The following TDRKH variants were observed in gnomAD, a reference collection of about 807,000 sequenced individuals.
TDRKH encodes the protein tudor and KH domain containing.
A neutral mutation model predicts 61.3 loss-of-function variants in TDRKH; 28 were observed. The ratio of observed to expected loss-of-function variants is 0.46; its 90% CI spans 0.34 to 0.63. The LOEUF is 0.63. TDRKH is among the 20% of genes least tolerant of loss of function. The pLI is 0.01. For synonymous variants in TDRKH, 219 were observed against 244.4 expected, an observed-to-expected ratio of 0.90 and a Z score of 0.97; for missense variants, 540 against 683.4, an observed-to-expected ratio of 0.79 and a Z score of 2.34.
downstream of TDRKH, chr1:151,767,271 A>G (rs781231511): frequency 4.3e-6 from 7 of 1,613,978 alleles, no homozygotes; most frequent in Non-Finnish European, 5.9e-6. Context: ...GAGCAGGGTA[A>G]CCACGACCAG....
At chr1:151,775,292 G>A in intron 10 of TDRKH, 100 bp downstream of exon 10, 3 of 1,542,952 alleles carry the variant, frequency 1.9e-6, no homozygotes, top group African/African-American at 2.7e-5. Flanking sequence ...GGATCTTACA[G>A]TAAGAGTAAT....
chr1:151,772,067 A>G (rs1200562033), downstream of TDRKH: 1 of 397,870 alleles, frequency 2.5e-6, no homozygotes, highest in Non-Finnish European at 4.4e-6. Context: ...TTCCTTCACT[A>G]GAGCCTTTCT....
At chr1:151,785,369 T>C (rs1227468272) in intron 1 of TDRKH, among the ~76,000 whole-genome samples, 1 of 152,208 alleles carries the variant, frequency 6.6e-6, no homozygotes, top group African/African-American at 2.4e-5. Flanking sequence ...ATGACCCTGC[T>C]CTAAAACACC....
At chr1:151,789,057 T>A (rs1163873831) in intron 1 of TDRKH, among the ~76,000 whole-genome samples, 1 of 152,138 alleles carries the variant, frequency 6.6e-6, no homozygotes, top group Admixed American at 6.6e-5. Context: ...GAGTTTGTTG[T>A]TGTTTATTTA....
At position 151,773,687 on chromosome 1, in the gene TDRKH, G is replaced by A. The variant is rs1648885089; in HGVS notation, c.*765C>T. 6.6e-6 allele frequency: 1 copy of A among 152,190 alleles called. No homozygotes were observed. Among genetic ancestry groups the A allele is most frequent in the African/African-American group, 2.4e-5 (1 of 41,438 alleles). 9.4% of individuals were successfully genotyped at this position (152,190 alleles called of 1,614,324 possible). A position where few individuals can be genotyped will look rare whatever the true frequency, so the allele number is the denominator to read the frequency against. On this transcript the variant is annotated 3_prime_UTR_variant, in exon 13 of 13. Transcript: ENST00000368824. Reference sequence around the variant, plus strand: ...TAAAGGTTACAGAGAAATAGCTGGAGCAGTTTCAAAAGCCTGTCTCCAATA... The same window carrying A: ...TAAAGGTTACAGAGAAATAGCTGGAACAGTTTCAAAAGCCTGTCTCCAATA...
chr1:151,775,716 T>TC (rs1225950643), intron 9 of TDRKH, 104 bp downstream of exon 9: 6 of 1,506,104 alleles, frequency 4.0e-6, no homozygotes, highest in Non-Finnish European at 5.4e-6. Context: ...GGCACCTGAG[T>TC]CCCCAGAATT....
intron 1 of TDRKH, among the ~76,000 whole-genome samples, chr1:151,788,814 C>T (rs1383411398): frequency 1.3e-5 from 2 of 152,194 alleles, no homozygotes; most frequent in Admixed American, 1.3e-4. Context: ...AGAGGGGTCT[C>T]TGCAGCCAAG....
downstream of TDRKH, chr1:151,767,569 C>A: frequency 2.0e-6 from 1 of 489,930 alleles, no homozygotes; most frequent in Non-Finnish European, 3.2e-6. Context: ...GGACATAAAG[C>A]TGTTTATGCC....
downstream of TDRKH, chr1:151,770,411 G>T (rs1398857761): frequency 1.7e-6 from 2 of 1,170,664 alleles, no homozygotes; most frequent in South Asian, 1.5e-5. Context: ...GTGGGAAGTT[G>T]TAACTTGTTC....
At chr1:151,780,240 G>T in intron 3 of TDRKH, 100 bp from the exon 4 acceptor site, 1 of 1,260,240 alleles carries the variant, frequency 7.9e-7, no homozygotes, top group Non-Finnish European at 1.1e-6. Context: ...GATAGAATTA[G>T]CCAAAGGAAT....
In TDRKH at chr1:151,776,082, A is replaced by G. The variant is rs1421236264; in HGVS notation, c.1217+14T>C. 6.2e-7 allele frequency: 1 copy of G among 1,606,140 alleles called. No individual in the cohort carries two copies. The highest frequency in any genetic ancestry group is 8.5e-7 in the Non-Finnish European group (1 of 1,175,572). On this transcript the variant is annotated intron_variant, in intron 8 of 12. Transcript: ENST00000368824. ...TGAGTCAGCAGTTGGGATTGAGCTG[A>G]CCTCAGCACTGACCTGAGAGCCCTG...
intron 1 of TDRKH, among the ~76,000 whole-genome samples, chr1:151,789,689 A>T (rs1650710332): frequency 2.0e-5 from 3 of 152,264 alleles, no homozygotes; most frequent in Admixed American, 2.0e-4. Flanking sequence ...AAGTCAAATC[A>T]CATTGTTAGC....
intron 1 of TDRKH, among the ~76,000 whole-genome samples, chr1:151,788,528 G>T (rs550295680): frequency 6.6e-6 from 1 of 152,214 alleles, no homozygotes; most frequent in Non-Finnish European, 1.5e-5. Context: ...CATAATTGAT[G>T]CTTATGGGGC....
chr1:151,790,022 A>G (rs1036940387), intron 1 of TDRKH, among the ~76,000 whole-genome samples: 8 of 152,234 alleles, frequency 5.3e-5, no homozygotes, highest in African/African-American at 1.9e-4. Context: ...AGCGATAACT[A>G]AAGAAAAAGC....
At chr1:151,770,403 G>C, downstream of TDRKH, 9 of 1,247,556 alleles carry the variant, frequency 7.2e-6, no homozygotes, top group Non-Finnish European at 6.5e-6. Flanking sequence ...CCACGAAGGT[G>C]GGAAGTTGTA....
At chr1:151,769,699 G>A (rs567417168), downstream of TDRKH, among the ~76,000 whole-genome samples, 6 of 152,230 alleles carry the variant, frequency 3.9e-5, 1 homozygote, top group South Asian at 1.0e-3. Flanking sequence ...CTGCAATCTC[G>A]GCACTTTGGG....
At chr1:151,780,190 G>C (rs769929193) in intron 3 of TDRKH, 50 bp from the exon 4 acceptor site, 5 of 1,583,652 alleles carry the variant, frequency 3.2e-6, no homozygotes, top group Non-Finnish European at 4.3e-6. Context: ...GCTCCCATTT[G>C]AGCCCAGCTA....
At position 151,779,795 on chromosome 1, in the gene TDRKH, A is replaced by G. The variant is rs974242997; in HGVS notation, c.421+156T>C. On this transcript the variant is annotated intron_variant, in intron 4 of 12. Transcript: ENST00000368824. ...TTGAGGAAACAGGTTTGGTTTTACC[A>G]CCAGTTCTACAAACAGTAAACCTCT... The G allele has an allele frequency of 1.1e-4, 78 of 694,722 alleles. 1 individual carries two copies. The Middle Eastern group carries it at 2.4e-3, about 22-fold the overall frequency. 43.0% of individuals were successfully genotyped at this position (694,722 alleles called of 1,614,324 possible).
intron 9 of TDRKH, 81 bp downstream of exon 9, chr1:151,775,739 G>C (rs1649102166): frequency 6.5e-7 from 1 of 1,545,894 alleles, no homozygotes; most frequent in Non-Finnish European, 8.8e-7. Context: ...AAAAGCCTGG[G>C]AATGTGAGAA....
Sources: allele counts gnomAD v4.1 joint callset (sites outside exome capture counted in the v4.1 genomes callset), GRCh38; gene constraint gnomAD v4.1.1; transcripts MANE v1.5; gene names NCBI Gene and HGNC (gene_info 2026-07-23, HGNC 2026-07-21).